The following KANSL1 variants were observed in gnomAD, a reference collection of about 807,000 sequenced individuals.
KANSL1 encodes the protein MLL1/MLL complex subunit KANSL1.
KANSL1 carries 22 observed loss-of-function variants against 103.6 expected under a neutral mutation model. The observed-to-expected ratio is 0.21, with a 90% CI of 0.15 to 0.30. The LOEUF (loss-of-function observed/expected upper bound fraction) is 0.30. Ranked by LOEUF, KANSL1 falls within the 10% of genes least tolerant of loss-of-function variation. The probability of loss-of-function intolerance (pLI) is 1.00; values close to 1 mark genes in which losing one functional copy is unlikely to be tolerated. For missense variants in KANSL1, 1,337 were observed against 1,399.8 expected (o/e 0.96, Z 0.72); for synonymous variants, 600 against 527.6 (o/e 1.14, Z -1.88).
chr17:46,117,268 A>G (rs936246406), intron 2 of KANSL1, among the ~76,000 whole-genome samples: 1 of 152,250 alleles, frequency 6.6e-6, no homozygotes, highest in African/African-American at 2.4e-5. Context: ...CCATGTGCAC[A>G]CAGTACTTGA....
In KANSL1 at chr17:46,030,631, C is replaced by A. The variant is rs1470956437; in HGVS notation, c.*845G>T. The A allele has an allele frequency of 6.6e-6, 1 of 151,518 alleles. No individual in the cohort carries two copies. The highest frequency in any genetic ancestry group is 1.5e-5 in the Non-Finnish European group (1 of 67,946). The allele number at this position is 151,518 out of a possible 1,614,324, so 9.4% of individuals were successfully genotyped here. On this transcript the variant is annotated 3_prime_UTR_variant, in exon 15 of 15. Transcript: ENST00000432791. ...CACACAGGGAGATGGCTGCTCACTT[C>A]CCACAACCCCCAGTTTGCAGGGGAG...
At chr17:46,091,971 C>T (rs1350686324) in intron 3 of KANSL1, among the ~76,000 whole-genome samples, 1 of 152,144 alleles carries the variant, frequency 6.6e-6, no homozygotes, top group Admixed American at 6.5e-5. Flanking sequence ...CACCCGCCAC[C>T]ACACCTGGCT....
intron 2 of KANSL1, among the ~76,000 whole-genome samples, chr17:46,100,443 C>CAAAAAAAAA: frequency 9.3e-6 from 1 of 107,732 alleles, no homozygotes; most frequent in Non-Finnish European, 2.4e-5. Context: ...CTCCCTCTCC[C>CAAAAAAAAA]CAAAAAAAAA....
intron 3 of KANSL1, chr17:46,094,021 T>C (rs1376338322): frequency 1.3e-5 from 2 of 152,676 alleles, no homozygotes; most frequent in Non-Finnish European, 2.9e-5. Flanking sequence ...TTCAGTCTGT[T>C]TTCCTTGTTT....
chr17:46,076,263 G>A (rs1002066442), intron 4 of KANSL1, among the ~76,000 whole-genome samples: 3 of 152,142 alleles, frequency 2.0e-5, no homozygotes, highest in Non-Finnish European at 4.4e-5. Flanking sequence ...GGGAGGCCGA[G>A]GCAGGCGGAT....
chr17:46,216,330 G>T (rs2048336953), intron 1 of KANSL1, among the ~76,000 whole-genome samples: 1 of 152,086 alleles, frequency 6.6e-6, no homozygotes, highest in Non-Finnish European at 1.5e-5. Flanking sequence ...CCAAGAGTAT[G>T]GGCCAGACTT....
intron 13 of KANSL1, 155 bp from the exon 14 acceptor site, chr17:46,032,454 C>T (rs1598442080): frequency 1.7e-6 from 1 of 593,470 alleles, no homozygotes; most frequent in Non-Finnish European, 2.8e-6. Flanking sequence ...TCCCACTATT[C>T]TCTGGAGGGG....
At chr17:46,118,054 C>A (rs1304357244) in intron 2 of KANSL1, among the ~76,000 whole-genome samples, 1 of 152,172 alleles carries the variant, frequency 6.6e-6, no homozygotes, top group African/African-American at 2.4e-5. Context: ...CATGACCACT[C>A]CCCACTACCC....
Position 46,039,154 on chromosome 17 carries a change from C to A in KANSL1, c.2265G>T (p.Gly755=). ...TCACTCGCTCCACCATGGGCACGGC[C>A]CCCACATCGTCTAAGTGCTGCCTGT... The part of the protein sequence containing the change: ...RTHRQHLDDV[G]AVPMVERVTA... The change falls in exon 9 of 15, where the codon GGG becomes GGT. Residue 755 remains glycine (G), a synonymous_variant. Transcript: ENST00000432791. The A allele has an allele frequency of 1.9e-6, 3 of 1,611,804 alleles. No homozygotes were observed. Among genetic ancestry groups the A allele is most frequent in the Non-Finnish European group, 2.5e-6 (3 of 1,179,430 alleles).
At chr17:46,108,920 C>T (rs2042685170) in intron 2 of KANSL1, among the ~76,000 whole-genome samples, 2 of 152,160 alleles carry the variant, frequency 1.3e-5, no homozygotes, top group South Asian at 4.1e-4. Context: ...AGCTATATTA[C>T]AAAGTGAAAA....
At chr17:46,039,489 G>T in intron 8 of KANSL1, 1 of 620,568 alleles carries the variant, frequency 1.6e-6, no homozygotes, top group Non-Finnish European at 2.7e-6. Context: ...GAGCATTTTG[G>T]GTCTTGCTCC....
intron 2 of KANSL1, among the ~76,000 whole-genome samples, chr17:46,139,766 C>A (rs889608744): frequency 6.6e-6 from 1 of 152,002 alleles, no homozygotes; most frequent in Non-Finnish European, 1.5e-5. Context: ...TACAACAGCA[C>A]CCTGACTTTG....
intron 1 of KANSL1, among the ~76,000 whole-genome samples, chr17:46,172,452 C>CT (rs1597877057): frequency 6.6e-6 from 1 of 152,182 alleles, no homozygotes; most frequent in African/African-American, 2.4e-5. Flanking sequence ...GAATTGCACC[C>CT]TTCTTGTCAT....
intron 3 of KANSL1, chr17:46,093,700 T>C (rs894190856): frequency 6.6e-6 from 1 of 152,500 alleles, no homozygotes; most frequent in Non-Finnish European, 1.5e-5. Flanking sequence ...AGGCTTTGAC[T>C]AGTACTAAGG....
intron 1 of KANSL1, among the ~76,000 whole-genome samples, chr17:46,182,007 ACT>A (rs373576799): frequency 1.5e-3 from 233 of 152,312 alleles, no homozygotes; most frequent in African/African-American, 5.5e-3. Flanking sequence ...ACTTAAAGTC[ACT>A]GTCATTCAGT....
At chr17:46,144,896 C>T (rs1247502491) in intron 2 of KANSL1, among the ~76,000 whole-genome samples, 1 of 152,206 alleles carries the variant, frequency 6.6e-6, no homozygotes, top group Non-Finnish European at 1.5e-5. Flanking sequence ...CAGATTACCT[C>T]ACATTCGTTG....
At chr17:46,039,664 T>C in intron 8 of KANSL1, 38 bp downstream of exon 8, 2 of 1,590,128 alleles carry the variant, frequency 1.3e-6, no homozygotes, top group Admixed American at 1.8e-5. Context: ...GAAAAGTCAC[T>C]GATACTCTGG....
intron 2 of KANSL1, among the ~76,000 whole-genome samples, chr17:46,111,888 TA>T (rs1205686290): frequency 3.9e-5 from 6 of 152,350 alleles, no homozygotes; most frequent in Admixed American, 2.6e-4. Flanking sequence ...CAGAAAAGTT[TA>T]TTTTTTGGAA....
intron 3 of KANSL1, chr17:46,088,399 T>TA (rs1203136423): frequency 2.6e-5 from 4 of 152,262 alleles, no homozygotes; most frequent in Non-Finnish European, 4.4e-5. Context: ...TAAAGTGCTT[T>TA]AAAAAACCCT....
Sources: allele counts gnomAD v4.1 joint callset (sites outside exome capture counted in the v4.1 genomes callset), GRCh38; gene constraint gnomAD v4.1.1; transcripts MANE v1.5; gene names NCBI Gene and HGNC (gene_info 2026-07-23, HGNC 2026-07-21).